EPPK1: variants seen among roughly 807,000 people sequenced by gnomAD.
The protein encoded by EPPK1 is epiplakin.
For missense variants in EPPK1, 3,823 were observed against 3,673.3 expected (o/e 1.04, Z -1.05); for synonymous variants, 1,862 against 1,721.2 (o/e 1.08, Z -2.03).
chr8:143,873,771 TCTGCCCCATGCC>T (rs1357748873), intron 1 of EPPK1, among the ~76,000 whole-genome samples: 2 of 151,606 alleles, frequency 1.3e-5, no homozygotes, highest in African/African-American at 4.9e-5. Context: ...CTCCAAAGGC[TCTGCCCCATGCC>T]CTGCCCCACC....
At position 143,866,455 on chromosome 8, in the gene EPPK1, C is replaced by T; in HGVS notation, c.6799G>A (p.Ala2267Thr). ...GTALVLLEAQ[A>T]ATGFVIDPVR... The stretch of plus-strand genomic sequence containing the variant: ...GGGTCGATGACGAAGCCGGTGGCCG[C>T]CTGCGCCTCCAGCAGCACCAGGGCC... The change falls in exon 2 of 2, where the codon GCG becomes ACG. Residue 2267 changes from alanine to threonine, a missense_variant. Coordinates refer to ENST00000615648, the MANE Select transcript of EPPK1 (RefSeq NM_031308.4). 13 of 1,442,884 alleles carry T rather than the reference C, an allele frequency of 9.0e-6. No homozygotes were observed. Among genetic ancestry groups the T allele is most frequent in the Non-Finnish European group, 1.2e-5 (13 of 1,083,302 alleles). The allele number at this position is 1,442,884 out of a possible 1,614,324, so 89.4% of individuals were successfully genotyped here. A position where few individuals can be genotyped will look rare whatever the true frequency, so the allele number is the denominator to read the frequency against.
intron 1 of EPPK1, 67 bp from the exon 2 acceptor site, chr8:143,873,365 T>G: frequency 8.4e-7 from 1 of 1,184,244 alleles, no homozygotes; most frequent in Non-Finnish European, 1.1e-6. Context: ...GAAGATGCGG[T>G]CATGGGGCAA....
Position 143,857,921 on chromosome 8 carries a change from AAC to A in EPPK1, c.*64_*65del. The stretch of plus-strand genomic sequence containing the variant: ...CAAAAAAAAAAAAAAAAAAAAAAAC[AAC>A]CCAGACACACAAGTATGCCTCCACT... On this transcript the variant is annotated 3_prime_UTR_variant, in exon 2 of 2. Coordinates refer to ENST00000615648, the MANE Select transcript of EPPK1 (RefSeq NM_031308.4). 2 of 793,922 alleles carry A rather than the reference AAC, an allele frequency of 2.5e-6. No homozygotes were observed. The highest frequency in any genetic ancestry group is 2.9e-5 in the South Asian group (1 of 34,244). 49.2% of individuals were successfully genotyped at this position (793,922 alleles called of 1,614,324 possible). A position where few individuals can be genotyped will look rare whatever the true frequency, so the allele number is the denominator to read the frequency against.
chr8:143,869,508 G>A lies in EPPK1; in HGVS notation c.3746C>T (p.Ala1249Val). The change falls in exon 2 of 2, where the codon GCC (alanine) becomes GTC (valine). Residue 1249 changes from alanine (A) to valine (V), a missense_variant. Coordinates refer to ENST00000615648, the MANE Select transcript of EPPK1 (RefSeq NM_031308.4). ...KACLWGTGCV[A>V]GVLLQPSGAK... ...CCCAGAGGGCTGTAGCAGCACACCG[G>A]CCACGCAGCCTGTGCCCCACAGGCA... 6.5e-7 allele frequency: 1 copy of A among 1,547,528 alleles called. No individual in the cohort carries two copies. The highest frequency in any genetic ancestry group is 1.4e-5 in the African/African-American group (1 of 73,400).
At chr8:143,878,058 C>A (rs1328980703) in intron 1 of EPPK1, among the ~76,000 whole-genome samples, 2 of 152,114 alleles carry the variant, frequency 1.3e-5, no homozygotes, top group African/African-American at 2.4e-5. Flanking sequence ...CGTTCCCCAC[C>A]CTGCAGAGCG....
Position 143,864,557 on chromosome 8 carries a change from G to T in EPPK1, c.8697C>A (p.Tyr2899Ter). 7 of 781,676 alleles carry T rather than the reference G, an allele frequency of 9.0e-6. 3 individuals are homozygous for T. Among genetic ancestry groups the T allele is most frequent in the Non-Finnish European group, 1.3e-5 (7 of 542,686 alleles). The allele number at this position is 781,676 out of a possible 1,614,324, so 48.4% of individuals were successfully genotyped here. A position where few individuals can be genotyped will look rare whatever the true frequency, so the allele number is the denominator to read the frequency against. The change falls in exon 2 of 2, where the codon TAC becomes TAA. Residue 2899 changes from tyrosine (Y) to a stop codon, truncating the protein, a stop_gained. Transcript: ENST00000615648. LOFTEE classifies it low-confidence loss of function (END_TRUNC). ...TCTCCTCGTCGAAGTAGCCGCGCTG[G>T]TAGGCCACGTCCACGGGCACGCGGT... ...HSHRVPVDVA[Y>*]QRGYFDEEMN... is the part of the protein sequence containing the mutation.
rs375091224 is a variant in EPPK1, at chr8:143,866,712, A to T, written c.6542T>A (p.Ile2181Asn). The change falls in exon 2 of 2, where the codon ATC becomes AAC. Residue 2181 changes from isoleucine (I) to asparagine (N), a missense_variant. Ile to Asn is a moderately radical substitution (Grantham distance 149, BLOSUM62 -3). Transcript: ENST00000615648. ...TGAGCTGAGGAGTTCAGAAGCTGTGATCTGTCGTCTAATTCCTTGGAACCA... is the reference window on the plus strand; with the variant it reads ...TGAGCTGAGGAGTTCAGAAGCTGTGTTCTGTCGTCTAATTCCTTGGAACCA... ...HLWFQGIRRQ[I>N]TASELLSSAI... The T allele has an allele frequency of 1.2e-6, 2 of 1,613,216 alleles. No homozygotes were observed. Among genetic ancestry groups the T allele is most frequent in the Non-Finnish European group, 1.7e-6 (2 of 1,179,860 alleles).
In EPPK1 at chr8:143,869,262, T is replaced by C. The variant is rs549013758; in HGVS notation, c.3992A>G (p.Tyr1331Cys). Residue 1331 changes from tyrosine to cysteine, a missense_variant, in exon 2 of 2, where the codon TAC becomes TGC. Physicochemically the swap from Tyr to Cys is radical, Grantham distance 194 (BLOSUM62 -2). Transcript: ENST00000615648. ...ERAAAGYPDP[Y>C]SRASLSLWQA... Reference sequence around the variant, plus strand: ...CCACAGAGAGAGGGAGGCCCTAGAGTAGGGATCTGGGTACCCGGCCGCCGC... The same window carrying C: ...CCACAGAGAGAGGGAGGCCCTAGAGCAGGGATCTGGGTACCCGGCCGCCGC... 1.7e-5 allele frequency: 27 copies of C among 1,608,742 alleles called. No homozygotes were observed. In the African/African-American group the frequency reaches 2.7e-4, roughly 16 times the overall value.
rs1432091962 is a variant in EPPK1 at position 143,871,017 on chromosome 8, C to T, written c.2237G>A (p.Arg746His). Residue 746 changes from arginine to histidine, a missense_variant, in exon 2 of 2, where the codon CGC becomes CAC. Transcript: ENST00000615648. ...GTTCAGCATCTGATCGAAGTAGCCGCGCCGGTAGGCCACGTCCACGGGCAC... is the reference window on the plus strand; with the variant it reads ...GTTCAGCATCTGATCGAAGTAGCCGTGCCGGTAGGCCACGTCCACGGGCAC... ...HRVPVDVAYR[R>H]GYFDQMLNLI... The T allele has an allele frequency of 1.4e-5, 23 of 1,613,142 alleles. No individual in the cohort carries two copies. Among genetic ancestry groups the T allele is most frequent in the Admixed American group, 6.7e-5 (4 of 60,006 alleles).
chr8:143,872,030 T>A lies in EPPK1; in HGVS notation c.1224A>T (p.Ala408=). Residue 408 remains alanine, a synonymous_variant, in exon 2 of 2, where the codon GCA becomes GCT. Coordinates refer to ENST00000615648, the MANE Select transcript of EPPK1 (RefSeq NM_031308.4). The part of the protein sequence containing the change: ...QLATGGLVCP[A]RRLRLPLEAA... The stretch of plus-strand genomic sequence containing the variant: ...CCTCCAGGGGCAGCCGGAGCCTGCG[T>A]GCTGGACAGACCAGCCCGCCTGTGG... 1 of 1,561,692 alleles carries A rather than the reference T, an allele frequency of 6.4e-7. No individual in the cohort carries two copies. The highest frequency in any genetic ancestry group is 1.2e-5 in the South Asian group (1 of 86,188).
rs1232137966 is a variant in EPPK1, at chr8:143,878,433, C to A, written c.-46+5G>T. 6.7e-6 allele frequency: 1 copy of A among 148,760 alleles called. No homozygotes were observed. The highest frequency in any genetic ancestry group is 1.9e-4 in the East Asian group (1 of 5,178). 9.2% of individuals were successfully genotyped at this position (148,760 alleles called of 1,614,324 possible). ...CACCCGCCGCACCCGCCGCACCCGC[C>A]GCACCTGCCCGCTCGCCGCTCGGTC... On this transcript the variant is annotated splice_donor_5th_base_variant and intron_variant, in intron 1 of 1. Transcript: ENST00000615648.
rs373870804 is a variant in EPPK1, at chr8:143,867,607, G to C, written c.5647C>G (p.Leu1883Val). 31 of 1,613,134 alleles carry C rather than the reference G, an allele frequency of 1.9e-5. No individual in the cohort carries two copies. Among genetic ancestry groups the C allele is most frequent in the Non-Finnish European group, 2.4e-5 (28 of 1,179,892 alleles). ...LRVGRTGGQALSTLECVKPYL... is the reference protein window; with the variant it reads ...LRVGRTGGQAVSTLECVKPYL... Reference sequence around the variant, plus strand: ...GGCTTCACACACTCCAGCGTGCTGAGTGCCTGTCCCCCAGTCCTCCCCACA... The same window carrying C: ...GGCTTCACACACTCCAGCGTGCTGACTGCCTGTCCCCCAGTCCTCCCCACA... Residue 1883 changes from leucine to valine, a missense_variant, in exon 2 of 2, where the codon CTC (leucine) becomes GTC (valine). Leu to Val is a conservative substitution (Grantham distance 32, BLOSUM62 1). Transcript: ENST00000615648.
chr8:143,873,330 C>A, intron 1 of EPPK1, 32 bp from the exon 2 acceptor site: 1 of 1,397,960 alleles, frequency 7.2e-7, no homozygotes, highest in Non-Finnish European at 9.3e-7. Context: ...AATCAGGGAC[C>A]CCGCATGGCC....
chr8:143,870,971 A>G lies in EPPK1; in HGVS notation c.2283T>C (p.Ser761=). 1 of 1,613,506 alleles carries G rather than the reference A, an allele frequency of 6.2e-7. No individual in the cohort carries two copies. The highest frequency in any genetic ancestry group is 1.3e-5 in the African/African-American group (1 of 75,056). The change falls in exon 2 of 2, where the codon TCT becomes TCC. Residue 761 remains serine (S), a synonymous_variant. Transcript: ENST00000615648. The surrounding 1 kb of genome is among the most constrained non-coding windows in gnomAD (Gnocchi z 5.2). The part of the protein sequence containing the change: ...QMLNLILLDP[S]DDTKGFFDPN... ...GGTCGAAGAAGCCCTTGGTGTCGTC[A>G]GAAGGGTCCAACAGGATCAAGTTCA...
intron 1 of EPPK1, among the ~76,000 whole-genome samples, chr8:143,877,375 G>A (rs1554662427): frequency 6.6e-6 from 1 of 152,190 alleles, no homozygotes; most frequent in Non-Finnish European, 1.5e-5. Flanking sequence ...TCTGGAGGAG[G>A]TGGCTGCTGC....
chr8:143,877,139 G>A (rs1260118668), intron 1 of EPPK1, among the ~76,000 whole-genome samples: 5 of 152,248 alleles, frequency 3.3e-5, no homozygotes, highest in Admixed American at 1.3e-4. Flanking sequence ...CCATGCGTGA[G>A]ATGCGGCCTG....
At position 143,867,672 on chromosome 8, in the gene EPPK1, T is replaced by G; in HGVS notation, c.5582A>C (p.Asn1861Thr). Residue 1861 changes from asparagine to threonine, a missense_variant, in exon 2 of 2, where the codon AAC becomes ACC. Coordinates refer to ENST00000615648, the MANE Select transcript of EPPK1 (RefSeq NM_031308.4). ...RGEVTAADLF[N>T]SRVIDQKTLH... Reference sequence around the variant, plus strand: ...GGTCTTCTGATCGATGACCCTGGAGTTGAACAGGTCTGCAGCTGTCACCTC... The same window carrying G: ...GGTCTTCTGATCGATGACCCTGGAGGTGAACAGGTCTGCAGCTGTCACCTC... 6.2e-7 allele frequency: 1 copy of G among 1,613,392 alleles called. No homozygotes were observed. Among genetic ancestry groups the G allele is most frequent in the Non-Finnish European group, 8.5e-7 (1 of 1,179,822 alleles).
chr8:143,866,916 C>T lies in EPPK1; in HGVS notation c.6338G>A (p.Gly2113Glu), dbSNP rs370476982. The change falls in exon 2 of 2, where the codon GGA becomes GAA. Residue 2113 changes from glycine (G) to glutamate (E), a missense_variant. Transcript: ENST00000615648. ...LEAEQVEITVGRFRGQKPTLW... is the reference protein window; with the variant it reads ...LEAEQVEITVERFRGQKPTLW... Reference sequence around the variant, plus strand: ...TGTTGGTTTCTGGCCTCTGAACCTTCCCACTGTGATTTCCACTTGCTCTGC... The same window carrying T: ...TGTTGGTTTCTGGCCTCTGAACCTTTCCACTGTGATTTCCACTTGCTCTGC... 91 of 1,612,914 alleles carry T rather than the reference C, an allele frequency of 5.6e-5. No individual in the cohort carries two copies. The highest frequency in any genetic ancestry group is 4.9e-4 in the Middle Eastern group (3 of 6,084).
At chr8:143,875,169 A>C (rs1280972920) in intron 1 of EPPK1, among the ~76,000 whole-genome samples, 6 of 152,160 alleles carry the variant, frequency 3.9e-5, no homozygotes, top group Non-Finnish European at 7.4e-5. Flanking sequence ...ATGCTCTGGA[A>C]CATGCAGAGC....
Sources: gnomAD v4.1 joint callset for allele counts (sites outside exome capture counted in the v4.1 genomes callset) on GRCh38, gnomAD v4.1.1 for gene constraint, Gnocchi (gnomAD v3.1) non-coding constraint, MANE v1.5 for transcripts, NCBI Gene and HGNC (gene_info 2026-07-23, HGNC 2026-07-21) for gene names.